Variants in FGF12 observed in about 807,000 individuals in gnomAD.
FGF12 encodes the protein fibroblast growth factor 12B.
FGF12 carries 14 observed loss-of-function variants against 23.6 expected under a neutral mutation model. The observed-to-expected ratio is 0.59, with a 90% CI of 0.39 to 0.93. FGF12 has a LOEUF of 0.93. Ranked by LOEUF, FGF12 falls within the 40% of genes least tolerant of loss-of-function variation. FGF12 has a pLI of 0.00. For missense variants in FGF12, 175 were observed against 217.8 expected, an observed-to-expected ratio of 0.80 and a Z score of 1.24; for synonymous variants, 62 against 77.3, an observed-to-expected ratio of 0.80 and a Z score of 1.04.
At chr3:192,592,665 C>T (rs1474708280) in intron 2 of FGF12, among the ~76,000 whole-genome samples, 2 of 151,742 alleles carry the variant, frequency 1.3e-5, no homozygotes, top group African/African-American at 4.8e-5. Flanking sequence ...GTTGTCCTTG[C>T]AGAAAAAAAC....
chr3:192,523,611 C>T (rs773175431), intron 2 of FGF12, among the ~76,000 whole-genome samples: 1 of 152,172 alleles, frequency 6.6e-6, no homozygotes, highest in Non-Finnish European at 1.5e-5. Flanking sequence ...ATTATCCAAG[C>T]TCTCCAAATA....
At chr3:192,435,605 T>C (rs766006231) in intron 2 of FGF12, among the ~76,000 whole-genome samples, 1 of 152,186 alleles carries the variant, frequency 6.6e-6, no homozygotes, top group Non-Finnish European at 1.5e-5. Context: ...ATGAGCCTCC[T>C]GGGCCTTACT....
At chr3:192,606,196 A>G (rs1358618391) in intron 2 of FGF12, among the ~76,000 whole-genome samples, 1 of 152,230 alleles carries the variant, frequency 6.6e-6, no homozygotes, top group Admixed American at 6.6e-5. Flanking sequence ...CAGCCAAAAA[A>G]AGAACAAAAT....
At chr3:192,583,308 C>T (rs138912835) in intron 2 of FGF12, among the ~76,000 whole-genome samples, 22 of 152,148 alleles carry the variant, frequency 1.4e-4, no homozygotes, top group Non-Finnish European at 2.1e-4. Flanking sequence ...ATGAGCGATG[C>T]GAATCGTTTA....
At chr3:192,535,763 C>T (rs538165758) in intron 2 of FGF12, among the ~76,000 whole-genome samples, 4 of 152,288 alleles carry the variant, frequency 2.6e-5, no homozygotes, top group African/African-American at 9.6e-5. Flanking sequence ...GAATGGAGCT[C>T]AAACCAATCT....
At chr3:192,701,060 G>A (rs2108729822) in intron 2 of FGF12, among the ~76,000 whole-genome samples, 1 of 152,176 alleles carries the variant, frequency 6.6e-6, no homozygotes, top group Non-Finnish European at 1.5e-5. Context: ...ACCTTTTTAA[G>A]TCTGATAAAA....
In FGF12 at chr3:192,338,251, A is replaced by AT. The variant is rs1177355315; in HGVS notation, c.125-2788dup. Among the ~76,000 whole-genome samples, 7 of 152,038 alleles carry AT rather than the reference A, an allele frequency of 4.6e-5. No individual in the cohort carries two copies. The South Asian group carries it at 1.5e-3, about 32-fold the overall frequency. On this transcript the variant is annotated intron_variant, in intron 3 of 5. Transcript: ENST00000445105. ...GGCGCCTGCCACCACAACCCAGCTA[A>AT]TTTTTGTATTTTTAGTAGAGACGGG...
At chr3:192,167,776 T>TATAA (rs1715306807) in intron 5 of FGF12, among the ~76,000 whole-genome samples, 1 of 61,692 alleles carries the variant, frequency 1.6e-5, no homozygotes, top group African/African-American at 4.3e-5. Flanking sequence ...TATAAAATTT[T>TATAA]TTTTTTTTTT....
intron 2 of FGF12, among the ~76,000 whole-genome samples, chr3:192,456,355 G>A (rs1560116674): frequency 1.3e-5 from 2 of 152,202 alleles, no homozygotes; most frequent in Non-Finnish European, 1.5e-5. Flanking sequence ...GAGACTTAGA[G>A]ATATCTTAGC....
At chr3:192,528,492 T>C (rs778253728) in intron 2 of FGF12, among the ~76,000 whole-genome samples, 34 of 152,120 alleles carry the variant, frequency 2.2e-4, no homozygotes, top group Non-Finnish European at 4.9e-4. Context: ...CTTTTCTAGG[T>C]ACACGGTACA....
rs546012804 is a variant in FGF12 at position 192,142,091 on chromosome 3, T to C, written c.*1918A>G. On this transcript the variant is annotated 3_prime_UTR_variant, in exon 6 of 6. Coordinates refer to ENST00000445105, the MANE Select transcript of FGF12 (RefSeq NM_004113.6). ...AAATTTAAATGTCTTTATTTGTTAC[T>C]TTCCAAATATTTTGGTTAAACAAAT... The C allele has an allele frequency of 1.8e-4, 28 of 152,536 alleles. No homozygotes were observed. The highest frequency in any genetic ancestry group is 3.2e-4 in the Non-Finnish European group (22 of 67,934). 9.4% of individuals were successfully genotyped at this position (152,536 alleles called of 1,614,324 possible).
intron 5 of FGF12, among the ~76,000 whole-genome samples, chr3:192,144,569 T>A (rs1713589392): frequency 6.6e-6 from 1 of 152,226 alleles, no homozygotes; most frequent in Non-Finnish European, 1.5e-5. Flanking sequence ...AAATATTTAT[T>A]GCCATTTCCA....
intron 4 of FGF12, among the ~76,000 whole-genome samples, chr3:192,294,424 A>T (rs1018498313): frequency 6.6e-6 from 1 of 152,152 alleles, no homozygotes; most frequent in Non-Finnish European, 1.5e-5. Context: ...GGATTTCAAC[A>T]TATGAATGTA....
chr3:192,147,982 G>A (rs1332155945), intron 5 of FGF12, among the ~76,000 whole-genome samples: 1 of 148,160 alleles, frequency 6.7e-6, no homozygotes. Context: ...GTGAGTATGT[G>A]GAGAAATTGA....
chr3:192,445,949 G>A (rs1722341821), intron 2 of FGF12, among the ~76,000 whole-genome samples: 1 of 152,108 alleles, frequency 6.6e-6, no homozygotes, highest in Non-Finnish European at 1.5e-5. Context: ...TCTCTGCAGT[G>A]CCCCAGGAAT....
At chr3:192,453,531 A>G (rs1186653992) in intron 2 of FGF12, among the ~76,000 whole-genome samples, 2 of 152,186 alleles carry the variant, frequency 1.3e-5, no homozygotes, top group Admixed American at 1.3e-4. Context: ...CATTCTGAGG[A>G]TCTATTTGTC....
At chr3:192,307,887 C>CTGT (rs1715731936) in intron 4 of FGF12, among the ~76,000 whole-genome samples, 1 of 152,148 alleles carries the variant, frequency 6.6e-6, no homozygotes, top group Non-Finnish European at 1.5e-5. Context: ...GAGACTTAGG[C>CTGT]TGTACAACTC....
intron 4 of FGF12, among the ~76,000 whole-genome samples, chr3:192,218,135 T>C (rs1439926634): frequency 6.6e-6 from 1 of 152,196 alleles, no homozygotes; most frequent in Non-Finnish European, 1.5e-5. Context: ...GCCTGGCCCT[T>C]CTTGTCACTT....
At chr3:192,520,814 C>A (rs1018714636) in intron 2 of FGF12, among the ~76,000 whole-genome samples, 2 of 152,012 alleles carry the variant, frequency 1.3e-5, no homozygotes, top group Admixed American at 6.6e-5. Context: ...TAACTGGTTT[C>A]TTTAGTTTAT....
Sources: allele counts gnomAD v4.1 joint callset (sites outside exome capture counted in the v4.1 genomes callset), GRCh38; gene constraint gnomAD v4.1.1; transcripts MANE v1.5; gene names NCBI Gene and HGNC (gene_info 2026-07-23, HGNC 2026-07-21).